The following ANKFN1 variants were observed in gnomAD, a reference collection of about 807,000 sequenced individuals.
ANKFN1 encodes ankyrin repeat and fibronectin type III domain containing 1, also known as ankyrin repeat and fibronectin type-III domain-containing protein 1.
A neutral mutation model predicts 108.7 loss-of-function variants in ANKFN1; 74 were observed. That is an observed-to-expected ratio of 0.68 (90% confidence interval 0.56 to 0.83). The LOEUF is 0.83. Among genes scored for constraint, ANKFN1 ranks in the 40% least tolerant of loss-of-function variants. ANKFN1 has a pLI of 0.00. For missense variants in ANKFN1, 1,505 were observed against 1,382.3 expected (o/e 1.09, Z -1.41); for synonymous variants, 547 against 516.2 (o/e 1.06, Z -0.81).
At chr17:56,407,470 G>A (rs556867059) in intron 8 of ANKFN1, among the ~76,000 whole-genome samples, 2 of 152,184 alleles carry the variant, frequency 1.3e-5, no homozygotes, top group Non-Finnish European at 1.5e-5. Context: ...AGTAAGTGAA[G>A]AAACCAGAAT....
At chr17:56,252,819 G>A (rs1254324520) in intron 3 of ANKFN1, among the ~76,000 whole-genome samples, 1 of 149,560 alleles carries the variant, frequency 6.7e-6, no homozygotes, top group Non-Finnish European at 1.5e-5. Flanking sequence ...CACCACTCTT[G>A]GAGCCCCACG....
chr17:56,055,567 A>ATATATATATATATATATATG, intron 4 of ANKFN1, among the ~76,000 whole-genome samples: 1 of 27,478 alleles, frequency 3.6e-5, no homozygotes, highest in South Asian at 1.1e-3. Flanking sequence ...GTATATATAC[A>ATATATATATATATATATATG]TATATATATA....
At chr17:56,107,360 G>T (rs962487967) in intron 4 of ANKFN1, among the ~76,000 whole-genome samples, 1 of 152,120 alleles carries the variant, frequency 6.6e-6, no homozygotes, top group African/African-American at 2.4e-5. Flanking sequence ...CCCAAAAAAA[G>T]GCCAATCGCT....
At chr17:56,081,778 A>G (rs1272169204) in intron 4 of ANKFN1, among the ~76,000 whole-genome samples, 13 of 152,210 alleles carry the variant, frequency 8.5e-5, no homozygotes, top group Non-Finnish European at 2.9e-5. Context: ...AAGCAAGCAC[A>G]GTGCGTTTAG....
At chr17:56,410,497 A>G (rs2048060313) in intron 8 of ANKFN1, among the ~76,000 whole-genome samples, 1 of 152,210 alleles carries the variant, frequency 6.6e-6, no homozygotes, top group East Asian at 1.9e-4. Flanking sequence ...AAGCTAATTA[A>G]CATATCCATC....
At chr17:56,324,323 A>G (rs1177828401) in intron 3 of ANKFN1, among the ~76,000 whole-genome samples, 1 of 152,230 alleles carries the variant, frequency 6.6e-6, no homozygotes, top group Admixed American at 6.5e-5. Flanking sequence ...CTAAATGTCT[A>G]TTGAAGAGTA....
At chr17:56,383,907 G>T (rs141241196) in intron 8 of ANKFN1, among the ~76,000 whole-genome samples, 260 of 152,256 alleles carry the variant, frequency 1.7e-3, no homozygotes, top group African/African-American at 5.6e-3. Flanking sequence ...GTACAAGGAG[G>T]AACTGGTACC....
chr17:56,178,543 A>G (rs1911385434), intron 1 of ANKFN1, among the ~76,000 whole-genome samples: 2 of 152,100 alleles, frequency 1.3e-5, no homozygotes, highest in Non-Finnish European at 2.9e-5. Context: ...CTTAAAATCT[A>G]TACTTAAGAA....
chr17:56,401,358 A>G (rs543991340), intron 8 of ANKFN1, among the ~76,000 whole-genome samples: 42 of 90,672 alleles, frequency 4.6e-4, no homozygotes, highest in Non-Finnish European at 7.8e-4. Context: ...ATTGTATTGT[A>G]TTGTATTGTA....
At chr17:56,252,763 AAAT>A (rs1349860324) in intron 3 of ANKFN1, among the ~76,000 whole-genome samples, 1 of 149,750 alleles carries the variant, frequency 6.7e-6, no homozygotes, top group Non-Finnish European at 1.5e-5. Context: ...AATAAGATAA[AAAT>A]AATAATTGAT....
intron 8 of ANKFN1, among the ~76,000 whole-genome samples, chr17:56,382,810 A>G (rs1427378480): frequency 6.6e-6 from 1 of 152,222 alleles, no homozygotes; most frequent in Non-Finnish European, 1.5e-5. Flanking sequence ...CCAATACAGG[A>G]GCACCCAGAT....
chr17:56,258,866 G>A (rs912747938), intron 3 of ANKFN1, among the ~76,000 whole-genome samples: 3 of 152,088 alleles, frequency 2.0e-5, no homozygotes, highest in African/African-American at 4.8e-5. Flanking sequence ...AGCCAAGATC[G>A]GGCCACTGCA....
intron 4 of ANKFN1, among the ~76,000 whole-genome samples, chr17:56,088,848 A>G (rs948013282): frequency 2.6e-5 from 4 of 151,366 alleles, no homozygotes; most frequent in African/African-American, 9.7e-5. Context: ...CACAAGGCTA[A>G]TAGCTTCTTT....
At chr17:56,151,265 T>G (rs547599344), upstream of ANKFN1, among the ~76,000 whole-genome samples, 1 of 152,288 alleles carries the variant, frequency 6.6e-6, no homozygotes, top group South Asian at 2.1e-4. Flanking sequence ...CTCCCTTTGG[T>G]TGGAATCTTC....
intron 4 of ANKFN1, among the ~76,000 whole-genome samples, chr17:56,072,348 T>C (rs1325610496): frequency 2.0e-5 from 3 of 152,094 alleles, no homozygotes; most frequent in South Asian, 4.1e-4. Context: ...GCACACATAG[T>C]ATAGCGCAAT....
intron 1 of ANKFN1, among the ~76,000 whole-genome samples, chr17:56,209,831 C>A (rs1257799343): frequency 6.6e-6 from 1 of 152,114 alleles, no homozygotes; most frequent in East Asian, 1.9e-4. Flanking sequence ...CCCACCTTTT[C>A]CCCTGAGTGC....
At chr17:56,285,727 T>A (rs1323692362) in intron 3 of ANKFN1, among the ~76,000 whole-genome samples, 4 of 152,098 alleles carry the variant, frequency 2.6e-5, no homozygotes, top group Non-Finnish European at 5.9e-5. Context: ...CTCCCAATAG[T>A]CCTCTTCCTC....
intron 3 of ANKFN1, among the ~76,000 whole-genome samples, chr17:56,311,896 G>C (rs1226856536): frequency 6.6e-6 from 1 of 151,982 alleles, no homozygotes; most frequent in African/African-American, 2.4e-5. Context: ...TCAGAGAAGG[G>C]ATACTCAACT....
chr17:56,192,898 C>A (rs1913111758), intron 1 of ANKFN1, among the ~76,000 whole-genome samples: 1 of 124,778 alleles, frequency 8.0e-6, no homozygotes, highest in Non-Finnish European at 1.6e-5. Context: ...CATCCCATTA[C>A]TGGGTATATA....
Sources: gnomAD v4.1 joint callset for allele counts (sites outside exome capture counted in the v4.1 genomes callset) on GRCh38, gnomAD v4.1.1 for gene constraint, MANE v1.5 for transcripts, NCBI Gene and HGNC (gene_info 2026-07-23, HGNC 2026-07-21) for gene names.